The following DLG2 variants were observed in gnomAD, a reference collection of about 807,000 sequenced individuals.
DLG2 encodes the protein disks large homolog 2.
DLG2 carries 45 observed loss-of-function variants against 132.5 expected under a neutral mutation model. The ratio of observed to expected loss-of-function variants is 0.34; its 90% CI spans 0.27 to 0.44. DLG2 has a LOEUF of 0.44. Ranked by LOEUF, DLG2 falls within the 20% of genes least tolerant of loss-of-function variation. The pLI is 1.00. For missense variants in DLG2, 1,045 were observed against 1,196.9 expected (o/e 0.87, Z 1.87); for synonymous variants, 424 against 419.6 (o/e 1.01, Z -0.13).
chr11:84,872,752 T>A (rs1190839325), intron 6 of DLG2, among the ~76,000 whole-genome samples: 2 of 152,228 alleles, frequency 1.3e-5, no homozygotes, highest in African/African-American at 4.8e-5. Context: ...TCTTTACAGT[T>A]TCACAAGGTA....
chr11:84,502,342 CTTTCTTTCTTTCTT>C (rs2099218881), intron 7 of DLG2, among the ~76,000 whole-genome samples: 2 of 37,788 alleles, frequency 5.3e-5, no homozygotes, highest in South Asian at 8.4e-4. Context: ...TTCTTTCTTT[CTTTCTTTCTTTCTT>C]TCTTTCTTTC....
intron 19 of DLG2, among the ~76,000 whole-genome samples, chr11:83,614,015 C>G (rs557321857): frequency 7.7e-6 from 1 of 130,558 alleles, no homozygotes; most frequent in Non-Finnish European, 1.7e-5. Flanking sequence ...GTAAACAAGG[C>G]GATTTTTGGC....
intron 3 of DLG2, among the ~76,000 whole-genome samples, chr11:85,429,452 T>C (rs1371839170): frequency 1.3e-5 from 2 of 152,120 alleles, no homozygotes; most frequent in African/African-American, 4.8e-5. Flanking sequence ...ATTTTTGCTA[T>C]CTACTCATCT....
At chr11:84,548,508 A>G (rs1449506821) in intron 6 of DLG2, among the ~76,000 whole-genome samples, 1 of 137,878 alleles carries the variant, frequency 7.3e-6, no homozygotes, top group East Asian at 2.2e-4. Flanking sequence ...ATCAATTCCC[A>G]CCTATGAGTA....
At position 85,275,481 on chromosome 11, in the gene DLG2, T is replaced by G. The variant is rs145621453; in HGVS notation, c.186+9739A>C. 5.6e-3 allele frequency among the ~76,000 whole-genome samples: 860 copies of G among 152,258 alleles called. 8 individuals carry two copies. The highest frequency in any genetic ancestry group is 0.02 in the African/African-American group (822 of 41,566). On this transcript the variant is annotated intron_variant, in intron 4 of 27. Transcript: ENST00000376104. ...ACTAAAATAATAATGAAATTCTAAC[T>G]GAGAATACTAGTATATGTGAACATT... is the stretch of plus-strand genomic sequence containing the variant.
chr11:85,467,463 T>C (rs1403104214), intron 3 of DLG2, among the ~76,000 whole-genome samples: 1 of 152,212 alleles, frequency 6.6e-6, no homozygotes, highest in Non-Finnish European at 1.5e-5. Context: ...AGATATCTCT[T>C]ATTATTTTGA....
intron 3 of DLG2, among the ~76,000 whole-genome samples, chr11:85,321,294 T>C (rs548580895): frequency 1.3e-5 from 2 of 152,080 alleles, no homozygotes; most frequent in East Asian, 3.9e-4. Context: ...AAGTTGAGTA[T>C]CAAGGGCTTA....
At chr11:85,073,126 T>G (rs959778493) in intron 6 of DLG2, among the ~76,000 whole-genome samples, 3 of 151,880 alleles carry the variant, frequency 2.0e-5, no homozygotes, top group African/African-American at 7.2e-5. Context: ...AAATACATAT[T>G]TTCCCTTTGC....
intron 6 of DLG2, among the ~76,000 whole-genome samples, chr11:85,091,542 C>A (rs992181694): frequency 6.6e-6 from 1 of 152,114 alleles, no homozygotes; most frequent in Non-Finnish European, 1.5e-5. Context: ...AGCATTCTAC[C>A]CATAGTAAAA....
intron 6 of DLG2, among the ~76,000 whole-genome samples, chr11:84,623,855 C>A (rs2099617918): frequency 6.6e-6 from 1 of 152,308 alleles, no homozygotes; most frequent in South Asian, 2.1e-4. Flanking sequence ...ATGTGTTACA[C>A]AATTACCTCA....
At chr11:84,954,350 TAA>T (rs11366441) in intron 6 of DLG2, among the ~76,000 whole-genome samples, 8,096 of 113,796 alleles carry the variant, frequency 0.071, 296 homozygotes, top group Admixed American at 0.1. Flanking sequence ...TCTTAAAGGA[TAA>T]AAAAAAAAAA....
At chr11:85,464,009 C>CACACACACACACACAT (rs1555141446) in intron 3 of DLG2, among the ~76,000 whole-genome samples, 2 of 150,534 alleles carry the variant, frequency 1.3e-5, no homozygotes, top group African/African-American at 4.9e-5. Flanking sequence ...CACACATACA[C>CACACACACACACACAT]ACACACACAC....
intron 3 of DLG2, among the ~76,000 whole-genome samples, chr11:85,431,930 C>T (rs2091213230): frequency 6.6e-6 from 1 of 152,166 alleles, no homozygotes; most frequent in Non-Finnish European, 1.5e-5. Context: ...CAGGTCGGTG[C>T]CCCTTTAAGT....
At chr11:83,748,348 T>G (rs917019617) in intron 18 of DLG2, among the ~76,000 whole-genome samples, 3 of 152,210 alleles carry the variant, frequency 2.0e-5, no homozygotes, top group Admixed American at 2.0e-4. Context: ...TATAATCAAC[T>G]GGACATTTTC....
At chr11:85,474,529 G>C (rs1394321676) in intron 3 of DLG2, among the ~76,000 whole-genome samples, 1 of 151,794 alleles carries the variant, frequency 6.6e-6, no homozygotes, top group African/African-American at 2.4e-5. Context: ...AACTATTTGA[G>C]AATAAATTCT....
chr11:84,935,944 C>A (rs548106705), intron 6 of DLG2, among the ~76,000 whole-genome samples: 75 of 152,252 alleles, frequency 4.9e-4, no homozygotes, highest in Non-Finnish European at 9.9e-4. Context: ...TAATATTTTT[C>A]TTTACTTTTT....
chr11:85,503,550 G>A (rs1009606145), intron 3 of DLG2, among the ~76,000 whole-genome samples: 2 of 152,026 alleles, frequency 1.3e-5, no homozygotes, highest in African/African-American at 4.8e-5. Context: ...AAGGTGATTG[G>A]ATAATGAAGG....
At position 84,174,889 on chromosome 11, in the gene DLG2, T is replaced by C. The variant is rs2095915089; in HGVS notation, c.574-11378A>G. 2.0e-5 allele frequency among the ~76,000 whole-genome samples: 3 copies of C among 152,214 alleles called. No homozygotes were observed. The South Asian group carries it at 6.2e-4, about 31-fold the overall frequency. ...TAAATATGTAGTACATGCCAGACACTATCTTAAGTTCATCTAATAATTGTA... is the reference window on the plus strand; with the variant it reads ...TAAATATGTAGTACATGCCAGACACCATCTTAAGTTCATCTAATAATTGTA... On this transcript the variant is annotated intron_variant, in intron 8 of 27. Coordinates refer to ENST00000376104, the MANE Select transcript of DLG2 (RefSeq NM_001142699.3).
At chr11:84,571,077 G>A (rs1006167276) in intron 6 of DLG2, among the ~76,000 whole-genome samples, 7 of 152,032 alleles carry the variant, frequency 4.6e-5, no homozygotes, top group African/African-American at 1.7e-4. Context: ...TGTTCCTACT[G>A]ACCACACATA....
Sources: allele counts gnomAD v4.1 joint callset (sites outside exome capture counted in the v4.1 genomes callset), GRCh38; gene constraint gnomAD v4.1.1; transcripts MANE v1.5; gene names NCBI Gene and HGNC (gene_info 2026-07-23, HGNC 2026-07-21).